Variants in GRHL2 observed in about 807,000 individuals in gnomAD.
GRHL2 encodes the protein grainyhead-like protein 2 homolog.
A neutral mutation model predicts 83.8 loss-of-function variants in GRHL2; 21 were observed. That is an observed-to-expected ratio of 0.25 (90% CI 0.18 to 0.36). The LOEUF (loss-of-function observed/expected upper bound fraction) is 0.36. Ranked by LOEUF, GRHL2 falls within the 10% of genes least tolerant of loss-of-function variation. The probability of loss-of-function intolerance (pLI) is 1.00; values close to 1 mark genes in which losing one functional copy is unlikely to be tolerated. For missense variants in GRHL2, 623 were observed against 781.8 expected (o/e 0.80, Z 2.42); for synonymous variants, 280 against 278.9 (o/e 1.00, Z -0.04).
intron 2 of GRHL2, among the ~76,000 whole-genome samples, chr8:101,549,770 G>A (rs2130143562): frequency 6.6e-6 from 1 of 152,144 alleles, no homozygotes; most frequent in South Asian, 2.1e-4. Flanking sequence ...CTTTTTATAA[G>A]CAGCCCTGGT....
At chr8:101,525,985 T>C (rs1303160560) in intron 1 of GRHL2, among the ~76,000 whole-genome samples, 4 of 152,172 alleles carry the variant, frequency 2.6e-5, no homozygotes, top group Middle Eastern at 3.2e-3. Flanking sequence ...AAACCCAAAC[T>C]AAAATTTTCA....
At chr8:101,624,548 G>GACAGTACACACTAGAACAGTTC (rs1563613806) in intron 9 of GRHL2, among the ~76,000 whole-genome samples, 1 of 118,928 alleles carries the variant, frequency 8.4e-6, no homozygotes, top group African/African-American at 3.0e-5. Flanking sequence ...TACACAGTAG[G>GACAGTACACACTAGAACAGTTC]ACAGTACACA....
chr8:101,654,095 T>A (rs538793616), intron 14 of GRHL2, among the ~76,000 whole-genome samples: 4 of 152,226 alleles, frequency 2.6e-5, no homozygotes, highest in Non-Finnish European at 1.5e-5. Context: ...GGCCTGGGTC[T>A]AGGCTACCAC....
Position 101,669,547 on chromosome 8 carries a change from ACAAG to A in GRHL2, c.*2849_*2852del, listed in dbSNP as rs1397246943. 1 of 152,554 alleles carries A rather than the reference ACAAG, an allele frequency of 6.6e-6. No homozygotes were observed. The highest frequency in any genetic ancestry group is 1.5e-5 in the Non-Finnish European group (1 of 68,018). 9.5% of individuals were successfully genotyped at this position (152,554 alleles called of 1,614,324 possible). A position where few individuals can be genotyped will look rare whatever the true frequency, so the allele number is the denominator to read the frequency against. The stretch of plus-strand genomic sequence containing the variant: ...TGCTATGAACGGCCCTTTCTTAAAG[ACAAG>A]CAAGGGAGATTGATATATGTACAAT... On this transcript the variant is annotated 3_prime_UTR_variant, in exon 16 of 16. Coordinates refer to ENST00000646743, the MANE Select transcript of GRHL2 (RefSeq NM_024915.4).
intron 1 of GRHL2, among the ~76,000 whole-genome samples, chr8:101,521,072 TGTGAGAAAAA>T: frequency 6.6e-6 from 1 of 152,144 alleles, no homozygotes; most frequent in Non-Finnish European, 1.5e-5. Context: ...GGGAACCACC[TGTGAGAAAAA>T]AATACAGAGG....
chr8:101,590,898 T>C (rs1812267178), intron 7 of GRHL2, among the ~76,000 whole-genome samples: 1 of 152,188 alleles, frequency 6.6e-6, no homozygotes. Context: ...AGAGAAGCAA[T>C]CTTTATATTA....
intron 2 of GRHL2, among the ~76,000 whole-genome samples, chr8:101,551,841 GT>G (rs111373774): frequency 2.6e-4 from 37 of 141,088 alleles, no homozygotes; most frequent in Non-Finnish European, 2.2e-4. Flanking sequence ...GGCATTGGGA[GT>G]TTTTTTTTTT....
intron 14 of GRHL2, among the ~76,000 whole-genome samples, chr8:101,662,300 GA>G (rs1463158899): frequency 2.6e-5 from 4 of 152,200 alleles, no homozygotes; most frequent in Non-Finnish European, 5.9e-5. Flanking sequence ...ATCAGTGATG[GA>G]TTAGTGATGT....
intron 6 of GRHL2, among the ~76,000 whole-genome samples, chr8:101,574,555 A>G (rs763361599): frequency 1.3e-5 from 2 of 152,206 alleles, no homozygotes; most frequent in African/African-American, 2.4e-5. Flanking sequence ...TGCCCAGCCC[A>G]CCTTATTTTA....
At chr8:101,553,248 T>C (rs1811421753) in intron 3 of GRHL2, among the ~76,000 whole-genome samples, 1 of 152,136 alleles carries the variant, frequency 6.6e-6, no homozygotes, top group Non-Finnish European at 1.5e-5. Flanking sequence ...GCTGTCAGGG[T>C]GAAGGGGCAG....
chr8:101,521,734 A>G (rs1366411026), intron 1 of GRHL2, among the ~76,000 whole-genome samples: 1 of 152,198 alleles, frequency 6.6e-6, no homozygotes, highest in Non-Finnish European at 1.5e-5. Context: ...TTTTTATTAC[A>G]TCTTTATACT....
intron 5 of GRHL2, among the ~76,000 whole-genome samples, 184 bp from the exon 6 acceptor site, chr8:101,573,481 ATGT>A (rs1416072787): frequency 6.6e-6 from 1 of 152,142 alleles, no homozygotes. Context: ...ACTGTTAGAA[ATGT>A]TGTATACATT....
chr8:101,572,082 C>G (rs1234472351), intron 5 of GRHL2, among the ~76,000 whole-genome samples: 1 of 152,132 alleles, frequency 6.6e-6, no homozygotes, highest in Non-Finnish European at 1.5e-5. Context: ...GGACACAAAT[C>G]CCTGAAATTA....
intron 1 of GRHL2, among the ~76,000 whole-genome samples, chr8:101,526,525 C>CTTTTTTTTTTTTTTTTT (rs33928032): frequency 9.1e-6 from 1 of 109,658 alleles, no homozygotes; most frequent in African/African-American, 3.7e-5. Context: ...TCTTTTTTTC[C>CTTTTTTTTTTTTTTTTT]TTTTTTTTTT....
chr8:101,519,558 C>CT (rs1156774756), intron 1 of GRHL2, among the ~76,000 whole-genome samples: 22,734 of 130,216 alleles, frequency 0.17, 2,290 homozygotes, highest in East Asian at 0.32. Flanking sequence ...CCATGACCAG[C>CT]TTTTTTTTTT....
At chr8:101,594,677 C>T (rs1486884084) in intron 7 of GRHL2, among the ~76,000 whole-genome samples, 1 of 152,196 alleles carries the variant, frequency 6.6e-6, no homozygotes, top group Non-Finnish European at 1.5e-5. Flanking sequence ...GATGAGCAGA[C>T]ATTTCTTGTA....
intron 11 of GRHL2, 170 bp from the exon 12 acceptor site, chr8:101,636,727 A>C: frequency 2.2e-6 from 1 of 447,738 alleles, no homozygotes; most frequent in African/African-American, 4.3e-5. Context: ...TTAGAAATAC[A>C]CACACACACA....
intron 3 of GRHL2, among the ~76,000 whole-genome samples, chr8:101,556,233 A>T (rs2130168162): frequency 6.6e-6 from 1 of 152,336 alleles, no homozygotes; most frequent in East Asian, 1.9e-4. Context: ...CTGGGATTAC[A>T]GGTGTGAGCC....
At chr8:101,618,203 ACTGC>A (rs1303409599) in intron 8 of GRHL2, among the ~76,000 whole-genome samples, 1 of 152,156 alleles carries the variant, frequency 6.6e-6, no homozygotes, top group African/African-American at 2.4e-5. Flanking sequence ...GTATCAATGG[ACTGC>A]CATCCACTAT....
Sources: gnomAD v4.1 joint callset for allele counts (sites outside exome capture counted in the v4.1 genomes callset) on GRCh38, gnomAD v4.1.1 for gene constraint, MANE v1.5 for transcripts, NCBI Gene and HGNC (gene_info 2026-07-23, HGNC 2026-07-21) for gene names.